The following MLN variants were observed in gnomAD, a reference collection of about 807,000 sequenced individuals.
The protein encoded by MLN is promotilin.
A neutral mutation model predicts 13.3 loss-of-function variants in MLN; 14 were observed. The observed-to-expected ratio is 1.05, with a 90% confidence interval of 0.69 to 1.64. MLN has a LOEUF of 1.64. Among genes scored for constraint, MLN ranks in the 40% most tolerant of loss-of-function variants. The probability of loss-of-function intolerance (pLI) is 0.00; values close to 1 mark genes in which losing one functional copy is unlikely to be tolerated. For missense variants in MLN, 122 were observed against 142.9 expected, an observed-to-expected ratio of 0.85 and a Z score of 0.75; for synonymous variants, 59 against 54.7, an observed-to-expected ratio of 1.08 and a Z score of -0.34.
chr6:33,795,895 G>A (rs1249279704), intron 3 of MLN, among the ~76,000 whole-genome samples: 1 of 152,078 alleles, frequency 6.6e-6, no homozygotes, highest in Non-Finnish European at 1.5e-5. Context: ...TTCTCATGGG[G>A]AGGGAATTCA....
At chr6:33,796,615 C>T (rs1175279173) in intron 3 of MLN, among the ~76,000 whole-genome samples, 1 of 152,232 alleles carries the variant, frequency 6.6e-6, no homozygotes, top group Non-Finnish European at 1.5e-5. Context: ...CACCGGGCTC[C>T]CTGGGTTCCA....
In MLN at chr6:33,803,413, T is replaced by A. The variant is rs1209629556; in HGVS notation, c.-8+540A>T. On this transcript the variant is annotated intron_variant, in intron 1 of 4. Transcript: ENST00000430124. This position sits in a 1 kb window ranked among gnomAD's most constrained non-coding sequence, Gnocchi z 4.5. ...ACCTCTGCCTCCCAGGTTCAAGCGA[T>A]TCTTCTGCCTCAGCTTCCTGAGTAG... is the stretch of plus-strand genomic sequence containing the variant. Among the ~76,000 whole-genome samples the A allele has an allele frequency of 2.0e-5, 3 of 151,838 alleles. No homozygotes were observed. The East Asian group carries it at 5.9e-4, about 30-fold the overall frequency.
chr6:33,794,949 C>T (rs1422745963), intron 4 of MLN, 114 bp from the exon 5 acceptor site: 6 of 1,357,538 alleles, frequency 4.4e-6, no homozygotes, highest in Non-Finnish European at 6.1e-6. Context: ...GCAGGCTGGG[C>T]GGGAAGGTGG....
intron 2 of MLN, 104 bp downstream of exon 2, chr6:33,800,943 G>C: frequency 1.2e-6 from 1 of 865,236 alleles, no homozygotes; most frequent in East Asian, 2.5e-5. Flanking sequence ...GCTGGAACTG[G>C]GGGTTATCTT....
chr6:33,797,779 G>A (rs1047408997), intron 3 of MLN, among the ~76,000 whole-genome samples: 5 of 151,918 alleles, frequency 3.3e-5, no homozygotes, highest in East Asian at 1.9e-4. Context: ...GCCTTTGTCC[G>A]GTCCCTTCAG....
At chr6:33,796,913 A>T (rs557275972) in intron 3 of MLN, among the ~76,000 whole-genome samples, 1 of 152,334 alleles carries the variant, frequency 6.6e-6, no homozygotes, top group South Asian at 2.1e-4. Context: ...CCTTGGAGTT[A>T]GTGCCTCAAA....
chr6:33,794,816 G>C lies in MLN; in HGVS notation c.*9C>G. The C allele has an allele frequency of 6.2e-7, 1 of 1,613,564 alleles. No homozygotes were observed. The highest frequency in any genetic ancestry group is 8.5e-7 in the Non-Finnish European group (1 of 1,179,714). On this transcript the variant is annotated 3_prime_UTR_variant, in exon 5 of 5. Transcript: ENST00000430124. ...CCCAAATCTGTCCACCTTCTCCCCA[G>C]CGTGGCCATCACTTGGCTGCTGGAG...
intron 3 of MLN, among the ~76,000 whole-genome samples, chr6:33,797,228 C>T (rs540051614): frequency 6.6e-6 from 1 of 152,318 alleles, no homozygotes; most frequent in Non-Finnish European, 1.5e-5. Flanking sequence ...TCTTCTCGCC[C>T]CTCAGGCCCC....
At position 33,803,306 on chromosome 6, in the gene MLN, TC is replaced by T. The variant is rs1331367111; in HGVS notation, c.-8+646del. Reference sequence around the variant, plus strand: ...ACTTTTTCTTTTCCTTTTCTTTTCTTCTTTTTTTTTTTTTTTTCTGAGATGG... The same window carrying T: ...ACTTTTTCTTTTCCTTTTCTTTTCTTTTTTTTTTTTTTTTTTCTGAGATGG... On this transcript the variant is annotated intron_variant, in intron 1 of 4. Transcript: ENST00000430124. This position sits in a 1 kb window ranked among gnomAD's most constrained non-coding sequence, Gnocchi z 4.5. 3.8e-5 allele frequency among the ~76,000 whole-genome samples: 5 copies of T among 132,340 alleles called. No homozygotes were observed. The highest frequency in any genetic ancestry group is 3.0e-4 in the South Asian group (1 of 3,348). The allele number at this position is 132,340 out of a possible 152,430, so 86.8% of individuals were successfully genotyped here.
Position 33,795,680 on chromosome 6 carries a change from C to G in MLN, c.235-75G>C. 3 of 1,294,948 alleles carry G rather than the reference C, an allele frequency of 2.3e-6. No homozygotes were observed. The South Asian group carries it at 3.8e-5, about 17-fold the overall frequency. 80.2% of individuals were successfully genotyped at this position (1,294,948 alleles called of 1,614,324 possible). On this transcript the variant is annotated intron_variant, in intron 3 of 4. Coordinates refer to ENST00000430124, the MANE Select transcript of MLN (RefSeq NM_002418.3). ...TAACCCCTGGGTGCACTACAGGTGG[C>G]AGGAGGGACCCTTGGGAGCCACACC...
chr6:33,802,461 G>A (rs1760864917), intron 1 of MLN, among the ~76,000 whole-genome samples: 3 of 152,156 alleles, frequency 2.0e-5, no homozygotes, highest in South Asian at 4.1e-4. Flanking sequence ...GTCTCAACCT[G>A]GCTCCCCCTT....
At position 33,794,847 on chromosome 6, in the gene MLN, C is replaced by CA. The variant is rs748309175; in HGVS notation, c.338-13dup. The CA allele has an allele frequency of 6.2e-7, 1 of 1,613,632 alleles. No homozygotes were observed. Among genetic ancestry groups the CA allele is most frequent in the East Asian group, 2.2e-5 (1 of 44,844 alleles). ...CCATCACTTGGCTGCTGGAGAAAAG[C>CA]AGAGGTTTGCGCTCAGTACCATCAT... On this transcript the variant is annotated splice_polypyrimidine_tract_variant and intron_variant, in intron 4 of 4. Transcript: ENST00000430124.
chr6:33,795,996 G>T (rs948738625), intron 3 of MLN, among the ~76,000 whole-genome samples: 2 of 123,598 alleles, frequency 1.6e-5, no homozygotes, highest in Non-Finnish European at 1.6e-5. Context: ...GTCTTGCTCT[G>T]TCGCCCAGGC....
Position 33,801,062 on chromosome 6 carries a change from T to C in MLN, c.102A>G (p.Glu34=). The C allele has an allele frequency of 6.2e-7, 1 of 1,613,816 alleles. No homozygotes were observed. Among genetic ancestry groups the C allele is most frequent in the Non-Finnish European group, 8.5e-7 (1 of 1,179,798 alleles). ...GGGTTCTTACCTGCATCCTCTGGAG[T>C]TCGCCATAGGTGAAGATGGGGACGA... ...EAFVPIFTYG[E]LQRMQEKERN... is the part of the protein sequence containing the mutation. The change falls in exon 2 of 5, where the codon GAA becomes GAG. Residue 34 remains glutamate (E), a synonymous_variant. Coordinates refer to ENST00000430124, the MANE Select transcript of MLN (RefSeq NM_002418.3).
chr6:33,800,100 C>T (rs1768009773), intron 2 of MLN, among the ~76,000 whole-genome samples: 1 of 152,204 alleles, frequency 6.6e-6, no homozygotes, highest in Admixed American at 6.5e-5. Context: ...GAGCCCTGTT[C>T]ACTGGGAATG....
intron 4 of MLN, 37 bp from the exon 5 acceptor site, chr6:33,794,872 T>A (rs373152989): frequency 1.1e-5 from 18 of 1,612,356 alleles, no homozygotes; most frequent in Non-Finnish European, 1.5e-5. Flanking sequence ...AGTACCATCA[T>A]CAGGTCTGCT....
rs569966889 is a variant in MLN, at chr6:33,799,676, A to G, written c.118-455T>C. On this transcript the variant is annotated intron_variant, in intron 2 of 4. Coordinates refer to ENST00000430124, the MANE Select transcript of MLN (RefSeq NM_002418.3). The surrounding 1 kb of genome is among the most constrained non-coding windows in gnomAD (Gnocchi z 4.6). ...CCTGGGAGGTGATTTATAAGAGGCA[A>G]GACAAGAGATAAATTATGGAGGAGG... Among the ~76,000 whole-genome samples the G allele has an allele frequency of 4.3e-4, 66 of 152,324 alleles. No homozygotes were observed. Among genetic ancestry groups the G allele is most frequent in the Middle Eastern group, 6.8e-3 (2 of 294 alleles).
intron 3 of MLN, 116 bp downstream of exon 3, chr6:33,798,989 C>T (rs1004393782): frequency 9.4e-6 from 6 of 640,382 alleles, no homozygotes; most frequent in African/African-American, 3.6e-5. Flanking sequence ...TTGCTCACTG[C>T]GATATCCTAG....
chr6:33,794,931 G>A (rs1391800468), intron 4 of MLN, 96 bp from the exon 5 acceptor site: 3 of 1,487,876 alleles, frequency 2.0e-6, no homozygotes, highest in Admixed American at 1.8e-5. Flanking sequence ...GGAGGAGGGG[G>A]CACAAGGGCA....
Sources: gnomAD v4.1 joint callset for allele counts (sites outside exome capture counted in the v4.1 genomes callset) on GRCh38, gnomAD v4.1.1 for gene constraint, Gnocchi (gnomAD v3.1) non-coding constraint, MANE v1.5 for transcripts, NCBI Gene and HGNC (gene_info 2026-07-23, HGNC 2026-07-21) for gene names.